The following PAG1 variants were observed in gnomAD, a reference collection of about 807,000 sequenced individuals.
The protein encoded by PAG1 is phosphoprotein membrane anchor with glycosphingolipid microdomains 1, also known as phosphoprotein associated with glycosphingolipid-enriched microdomains 1.
A neutral mutation model predicts 31.7 loss-of-function variants in PAG1; 23 were observed. That is an observed-to-expected ratio of 0.73 (90% CI 0.52 to 1.03). The LOEUF is 1.03. Ranked by LOEUF, PAG1 falls within the 50% of genes least tolerant of loss-of-function variation. The pLI is 0.00. For missense variants in PAG1, 473 were observed against 540.7 expected (o/e 0.87, Z 1.24); for synonymous variants, 214 against 210.3 (o/e 1.02, Z -0.15).
intron 2 of PAG1, among the ~76,000 whole-genome samples, chr8:81,048,806 T>C (rs1563642522): frequency 6.6e-6 from 1 of 152,176 alleles, no homozygotes; most frequent in Non-Finnish European, 1.5e-5. Flanking sequence ...GTGTCCCATC[T>C]CCCTGCCTGG....
intron 1 of PAG1, among the ~76,000 whole-genome samples, chr8:81,085,969 C>CTTTTTTTTTTT (rs1563425286): frequency 2.5e-5 from 2 of 79,038 alleles, no homozygotes; most frequent in African/African-American, 5.8e-5. Flanking sequence ...TTTAATCTGG[C>CTTTTTTTTTTT]TTGTTTTTTT....
chr8:80,977,738 C>A lies in PAG1; in HGVS notation c.937-832G>T, dbSNP rs1411490234. 4.6e-5 allele frequency among the ~76,000 whole-genome samples: 7 copies of A among 152,296 alleles called. No homozygotes were observed. The East Asian group carries it at 1.3e-3, about 29-fold the overall frequency. ...GCCAGTGGCTTTCCAAGCACACCCC[C>A]ACAGTCTCACTAATAAATCCTGTAT... On this transcript the variant is annotated intron_variant, in intron 8 of 8. Transcript: ENST00000220597.
chr8:81,071,651 T>G (rs1488348576), intron 1 of PAG1, among the ~76,000 whole-genome samples: 1 of 151,886 alleles, frequency 6.6e-6, no homozygotes, highest in Non-Finnish European at 1.5e-5. Flanking sequence ...ATCTGTTTAA[T>G]AAACACTTAC....
intron 3 of PAG1, among the ~76,000 whole-genome samples, chr8:81,001,082 G>A (rs1433772293): frequency 6.6e-6 from 1 of 152,176 alleles, no homozygotes; most frequent in Admixed American, 6.5e-5. Flanking sequence ...AGCATCCTAT[G>A]AGTCTCACTT....
chr8:81,025,844 T>C (rs1808266930), intron 3 of PAG1, among the ~76,000 whole-genome samples: 2 of 152,126 alleles, frequency 1.3e-5, no homozygotes, highest in Admixed American at 1.3e-4. Flanking sequence ...ATGCCATCAG[T>C]CAATGGGGAT....
chr8:81,014,572 G>A (rs146422140), intron 3 of PAG1, among the ~76,000 whole-genome samples: 1 of 152,252 alleles, frequency 6.6e-6, no homozygotes, highest in African/African-American at 2.4e-5. Flanking sequence ...CTTTTCTAAT[G>A]ACATAAATCG....
At chr8:81,014,880 G>A (rs967951853) in intron 3 of PAG1, among the ~76,000 whole-genome samples, 4 of 152,146 alleles carry the variant, frequency 2.6e-5, no homozygotes, top group Non-Finnish European at 5.9e-5. Context: ...GCCCTTTTGT[G>A]GGCTTTGGAG....
intron 1 of PAG1, among the ~76,000 whole-genome samples, chr8:81,081,990 C>G (rs1016659281): frequency 6.6e-6 from 1 of 152,120 alleles, no homozygotes; most frequent in African/African-American, 2.4e-5. Context: ...TGGTGGCTCA[C>G]GCCTGTAATC....
intron 2 of PAG1, among the ~76,000 whole-genome samples, chr8:81,062,667 C>G (rs1305325881): frequency 6.6e-6 from 1 of 151,368 alleles, no homozygotes; most frequent in African/African-American, 2.4e-5. Context: ...ACAGGGTTAA[C>G]TTTATCCTCT....
At chr8:81,055,892 G>A (rs1808814616) in intron 2 of PAG1, among the ~76,000 whole-genome samples, 2 of 152,340 alleles carry the variant, frequency 1.3e-5, no homozygotes, top group South Asian at 4.1e-4. Flanking sequence ...ATACAATCAT[G>A]TCATCTGCAA....
intron 1 of PAG1, among the ~76,000 whole-genome samples, chr8:81,074,759 G>C (rs762744826): frequency 6.6e-6 from 1 of 152,122 alleles, no homozygotes; most frequent in African/African-American, 2.4e-5. Context: ...TCTGCACCAT[G>C]CTGGCTCAAT....
At chr8:80,998,312 T>C (rs1220992174) in intron 3 of PAG1, among the ~76,000 whole-genome samples, 1 of 151,936 alleles carries the variant, frequency 6.6e-6, no homozygotes, top group Admixed American at 6.6e-5. Flanking sequence ...GTATTTTTAG[T>C]AGAGACGGGG....
chr8:81,028,480 T>A (rs1808323087), intron 3 of PAG1, among the ~76,000 whole-genome samples: 1 of 152,242 alleles, frequency 6.6e-6, no homozygotes, highest in Non-Finnish European at 1.5e-5. Flanking sequence ...AGGTCTAGTG[T>A]GTTCATCAAG....
chr8:80,973,321 T>G lies in PAG1; in HGVS notation c.*3223A>C, dbSNP rs1308808869. 2 of 152,178 alleles carry G rather than the reference T, an allele frequency of 1.3e-5. No homozygotes were observed. Among genetic ancestry groups the G allele is most frequent in the Middle Eastern group, 3.2e-3 (1 of 316 alleles). 9.4% of individuals were successfully genotyped at this position (152,178 alleles called of 1,614,324 possible). A position where few individuals can be genotyped will look rare whatever the true frequency, so the allele number is the denominator to read the frequency against. ...TTTTGTTCTTGTGTAGTTATCTGCC[T>G]AGGATACAGACAGGATATTGAGACT... is the stretch of plus-strand genomic sequence containing the variant. On this transcript the variant is annotated 3_prime_UTR_variant, in exon 9 of 9. Coordinates refer to ENST00000220597, the MANE Select transcript of PAG1 (RefSeq NM_018440.4).
intron 1 of PAG1, among the ~76,000 whole-genome samples, chr8:81,103,713 T>C (rs1809646260): frequency 6.6e-6 from 1 of 152,228 alleles, no homozygotes; most frequent in African/African-American, 2.4e-5. Flanking sequence ...ACATAAGCAT[T>C]GGCTCAAAGG....
intron 1 of PAG1, among the ~76,000 whole-genome samples, chr8:81,082,634 A>G (rs1026374122): frequency 3.3e-5 from 5 of 152,048 alleles, no homozygotes; most frequent in Non-Finnish European, 7.4e-5. Context: ...AATAATTTTG[A>G]TGGTTCTCTC....
chr8:81,092,550 C>T (rs970703164), intron 1 of PAG1, among the ~76,000 whole-genome samples: 1 of 152,228 alleles, frequency 6.6e-6, no homozygotes, highest in South Asian at 2.1e-4. Flanking sequence ...AACTAACCAT[C>T]AAATGTTGAT....
chr8:80,990,315 T>C lies in PAG1; in HGVS notation c.177+1164A>G, dbSNP rs552811102. Among the ~76,000 whole-genome samples the C allele has an allele frequency of 1.3e-4, 20 of 152,044 alleles. No individual in the cohort carries two copies. The highest frequency in any genetic ancestry group is 5.9e-4 in the Admixed American group (9 of 15,282). On this transcript the variant is annotated intron_variant, in intron 5 of 8. Coordinates refer to ENST00000220597, the MANE Select transcript of PAG1 (RefSeq NM_018440.4). This position sits in a 1 kb window ranked among gnomAD's most constrained non-coding sequence, Gnocchi z 5.1. Reference sequence around the variant, plus strand: ...GCTTGGGCCAGAGGAGTCCTGAGAATTGGCAGGTCAGGAAGCCTAGACTGG... The same window carrying C: ...GCTTGGGCCAGAGGAGTCCTGAGAACTGGCAGGTCAGGAAGCCTAGACTGG...
In PAG1 at chr8:81,108,909, G is replaced by A. The variant is rs149432944; in HGVS notation, c.-234+2682C>T. ...GTGCAAGGCCTCTCTCTGCCCAAGGGAGTTCTCCAGCTGGGACTGAATGCA... is the reference window on the plus strand; with the variant it reads ...GTGCAAGGCCTCTCTCTGCCCAAGGAAGTTCTCCAGCTGGGACTGAATGCA... On this transcript the variant is annotated intron_variant, in intron 1 of 8. Transcript: ENST00000220597. Among the ~76,000 whole-genome samples, 1,133 of 152,292 alleles carry A rather than the reference G, an allele frequency of 7.4e-3. 8 individuals are homozygous for A. The highest frequency in any genetic ancestry group is 0.023 in the South Asian group (111 of 4,826).
Sources: gnomAD v4.1 joint callset for allele counts (sites outside exome capture counted in the v4.1 genomes callset) on GRCh38, gnomAD v4.1.1 for gene constraint, Gnocchi (gnomAD v3.1) non-coding constraint, MANE v1.5 for transcripts, NCBI Gene and HGNC (gene_info 2026-07-23, HGNC 2026-07-21) for gene names.